Variants in ADCK5 observed in about 807,000 individuals in gnomAD.
ADCK5 encodes aarF domain containing kinase 5.
Under a neutral mutation model 64.9 loss-of-function variants are expected in ADCK5, and 43 were observed. The ratio of observed to expected loss-of-function variants is 0.66; its 90% confidence interval spans 0.52 to 0.85. ADCK5 has a LOEUF of 0.85. Among genes scored for constraint, ADCK5 ranks in the 40% least tolerant of loss-of-function variants. The probability of loss-of-function intolerance (pLI) is 0.00; values close to 1 mark genes in which losing one functional copy is unlikely to be tolerated. For missense variants in ADCK5, 760 were observed against 810.5 expected (o/e 0.94, Z 0.76); for synonymous variants, 434 against 342.8 (o/e 1.27, Z -2.94).
At chr8:144,389,126 C>T in intron 3 of ADCK5, 4 of 380,202 alleles carry the variant, frequency 1.1e-5, no homozygotes, top group South Asian at 5.6e-5. Context: ...CTGATATCCT[C>T]CTAACTGGGG....
Position 144,390,866 on chromosome 8 carries a change from G to C in ADCK5, c.353G>C (p.Gly118Ala), listed in dbSNP as rs148583297. 3.0e-5 allele frequency: 48 copies of C among 1,612,966 alleles called. No individual in the cohort carries two copies. The Middle Eastern group carries it at 8.2e-4, about 28-fold the overall frequency. The part of the protein sequence containing the change: ...VLRGVEENSP[G>A]YLEVMSACHQ... ...CATGCCTGTGGTCAGAACAGCCCAGGCTACTTGGAGGTGATGTCTGCGTGT... is the reference window on the plus strand; with the variant it reads ...CATGCCTGTGGTCAGAACAGCCCAGCCTACTTGGAGGTGATGTCTGCGTGT... The change falls in exon 5 of 15, where the codon GGC becomes GCC. Residue 118 changes from glycine to alanine, a missense_variant. Physicochemically the swap from Gly to Ala is moderately conservative, Grantham distance 60. Around this residue, in one of 2 missense-constraint regions of ADCK5, gnomAD observed 427 missense variants for 518.4 expected, o/e 0.82. Transcript: ENST00000308860.
In ADCK5 at chr8:144,375,727, G is replaced by A. The variant is rs368324823; in HGVS notation, c.12+1620G>A. 2.6e-5 allele frequency: 23 copies of A among 887,042 alleles called. No individual in the cohort carries two copies. The East Asian group carries it at 1.8e-3, about 69-fold the overall frequency. 54.9% of individuals were successfully genotyped at this position (887,042 alleles called of 1,614,324 possible). ...TGGAACGGGAGGTGTTTCCGTTTGT[G>A]CAGACAGACTGCACACACTCACCAT... On this transcript the variant is annotated intron_variant, in intron 1 of 14. Coordinates refer to ENST00000308860, the MANE Select transcript of ADCK5 (RefSeq NM_174922.5).
chr8:144,383,318 G>A (rs1201610598), intron 3 of ADCK5, 88 bp downstream of exon 3: 2 of 1,436,570 alleles, frequency 1.4e-6, no homozygotes, highest in East Asian at 5.0e-5. Context: ...TGCCTTCACA[G>A]ACGAGGGGCG....
chr8:144,380,038 C>G (rs1015098467), intron 2 of ADCK5, among the ~76,000 whole-genome samples: 2 of 152,262 alleles, frequency 1.3e-5, no homozygotes, highest in African/African-American at 4.8e-5. Flanking sequence ...GGGTCTCCTT[C>G]TCCCGAGAGC....
At position 144,381,939 on chromosome 8, in the gene ADCK5, C is replaced by T. The variant is rs1231020854; in HGVS notation, c.117-1142C>T. 2.0e-5 allele frequency among the ~76,000 whole-genome samples: 3 copies of T among 148,764 alleles called. No homozygotes were observed. The South Asian group carries it at 6.5e-4, about 32-fold the overall frequency. Reference sequence around the variant, plus strand: ...GTAGAAACAGATGTGTGCTCAGGCACCTGCCGCACTCAGGATTATGGGCCG... The same window carrying T: ...GTAGAAACAGATGTGTGCTCAGGCATCTGCCGCACTCAGGATTATGGGCCG... On this transcript the variant is annotated intron_variant, in intron 2 of 14. Coordinates refer to ENST00000308860, the MANE Select transcript of ADCK5 (RefSeq NM_174922.5).
Position 144,392,334 on chromosome 8 carries a change from T to TGGGGTTGCAAGGTGA in ADCK5, c.1260_1261insTTGCAAGGTGAGGGG (p.Gly420_Val421insLeuGlnGlyGluGly), listed in dbSNP as rs1554420076. The stretch of plus-strand genomic sequence containing the variant: ...GCCATGAGGGCGCACGCAGCCGCAC[T>TGGGGTTGCAAGGTGA]GGGGGTGCAAGGTGAGGGCGTGCGG... On this transcript the variant is annotated inframe_insertion, in exon 12 of 15. Transcript: ENST00000308860. 1.4e-5 allele frequency: 20 copies of TGGGGTTGCAAGGTGA among 1,476,832 alleles called. No individual in the cohort carries two copies. The highest frequency in any genetic ancestry group is 1.7e-5 in the Non-Finnish European group (19 of 1,115,136). The allele number at this position is 1,476,832 out of a possible 1,614,324, so 91.5% of individuals were successfully genotyped here.
chr8:144,392,419 C>CT, intron 12 of ADCK5, 26 bp from the exon 13 acceptor site: 1 of 714,242 alleles, frequency 1.4e-6, no homozygotes, highest in South Asian at 1.7e-5. Flanking sequence ...AGAGCCCCCT[C>CT]CCTCCCTCCC....
rs367748430 is a variant in ADCK5, at chr8:144,391,563, C to T, written c.799-17C>T. The T allele has an allele frequency of 1.5e-4, 238 of 1,582,412 alleles. No individual in the cohort carries two copies. Among genetic ancestry groups the T allele is most frequent in the South Asian group, 1.9e-4 (17 of 88,098 alleles). On this transcript the variant is annotated splice_polypyrimidine_tract_variant and intron_variant, in intron 7 of 14. Coordinates refer to ENST00000308860, the MANE Select transcript of ADCK5 (RefSeq NM_174922.5). Reference sequence around the variant, plus strand: ...CTGGTAGGCAGAGCTGGTCTTCAACCGCCATCTGGCCCCCAGGACCTGAAG... The same window carrying T: ...CTGGTAGGCAGAGCTGGTCTTCAACTGCCATCTGGCCCCCAGGACCTGAAG...
At chr8:144,392,933 C>CCG (rs1378768563) in intron 14 of ADCK5, 36 bp from the exon 15 acceptor site, 3 of 1,583,544 alleles carry the variant, frequency 1.9e-6, no homozygotes, top group Non-Finnish European at 2.6e-6. Flanking sequence ...GGGCCTGCTC[C>CCG]CCACCCACCT....
At chr8:144,385,986 G>T (rs1217691992) in intron 3 of ADCK5, among the ~76,000 whole-genome samples, 1 of 151,582 alleles carries the variant, frequency 6.6e-6, no homozygotes, top group Admixed American at 6.6e-5. Context: ...AATCACCTAT[G>T]TGTTTTGCTT....
At position 144,383,078 on chromosome 8, in the gene ADCK5, C is replaced by G; in HGVS notation, c.117-3C>G. ...GCCTCCAGGCTGCATTGTCTCTCCT[C>G]AGGTTCTCCAGCCCCACACCCCTGT... On this transcript the variant is annotated splice_polypyrimidine_tract_variant and splice_region_variant and intron_variant, in intron 2 of 14. Transcript: ENST00000308860. The G allele has an allele frequency of 6.3e-7, 1 of 1,586,620 alleles. No homozygotes were observed. Among genetic ancestry groups the G allele is most frequent in the Non-Finnish European group, 8.6e-7 (1 of 1,166,590 alleles).
intron 3 of ADCK5, 83 bp downstream of exon 3, chr8:144,383,313 T>G: frequency 1.4e-6 from 2 of 1,445,728 alleles, no homozygotes; most frequent in Non-Finnish European, 1.8e-6. Context: ...CCAGATGCCT[T>G]CACAGACGAG....
intron 3 of ADCK5, among the ~76,000 whole-genome samples, chr8:144,385,578 C>T (rs1264106992): frequency 4.6e-5 from 7 of 151,176 alleles, no homozygotes; most frequent in Middle Eastern, 3.5e-3. Context: ...ACCTGGGAGG[C>T]GGAGGTTGCA....
intron 3 of ADCK5, chr8:144,389,214 C>T (rs910612846): frequency 4.6e-5 from 21 of 455,210 alleles, no homozygotes; most frequent in Non-Finnish European, 8.8e-5. Context: ...TCAACAGATA[C>T]CCAGGATGTC....
intron 2 of ADCK5, among the ~76,000 whole-genome samples, chr8:144,380,341 G>A (rs1554857935): frequency 6.6e-6 from 1 of 151,018 alleles, no homozygotes; most frequent in Admixed American, 6.6e-5. Flanking sequence ...AGAATTATGG[G>A]CCAGGTGTAG....
intron 2 of ADCK5, among the ~76,000 whole-genome samples, chr8:144,381,722 A>C (rs879545642): frequency 6.5e-5 from 9 of 138,208 alleles, no homozygotes; most frequent in African/African-American, 1.7e-4. Context: ...GTGCTCAGGC[A>C]CCTGCTGCAC....
intron 2 of ADCK5, among the ~76,000 whole-genome samples, chr8:144,381,366 G>A (rs587709717): frequency 6.8e-6 from 1 of 146,896 alleles, no homozygotes; most frequent in Non-Finnish European, 1.5e-5. Flanking sequence ...CAGAATTATG[G>A]GCCGGGTGTA....
chr8:144,392,353 C>G lies in ADCK5; in HGVS notation c.1267+8C>G, dbSNP rs576302152. 393 of 1,052,388 alleles carry G rather than the reference C, an allele frequency of 3.7e-4. 4 individuals are homozygous for G. The South Asian group carries it at 5.1e-3, about 14-fold the overall frequency. 65.2% of individuals were successfully genotyped at this position (1,052,388 alleles called of 1,614,324 possible). Reference sequence around the variant, plus strand: ...CCGCACTGGGGGTGCAAGGTGAGGGCGTGCGGGGATGGCTGGGGCACCACA... The same window carrying G: ...CCGCACTGGGGGTGCAAGGTGAGGGGGTGCGGGGATGGCTGGGGCACCACA... On this transcript the variant is annotated splice_region_variant and intron_variant, in intron 12 of 14. Coordinates refer to ENST00000308860, the MANE Select transcript of ADCK5 (RefSeq NM_174922.5).
chr8:144,390,568 G>T, intron 3 of ADCK5, 103 bp from the exon 4 acceptor site: 1 of 1,245,394 alleles, frequency 8.0e-7, no homozygotes, highest in South Asian at 1.3e-5. Context: ...GGACATGAAG[G>T]GCTGGCCGGG....
Sources: gnomAD v4.1 joint callset for allele counts (sites outside exome capture counted in the v4.1 genomes callset) on GRCh38, gnomAD v4.1.1 for gene constraint, gnomAD v4.1.1 regional missense constraint, MANE v1.5 for transcripts, NCBI Gene and HGNC (gene_info 2026-07-23, HGNC 2026-07-21) for gene names.